Variants in ZRANB3 observed in about 807,000 individuals in gnomAD.
ZRANB3 encodes DNA annealing helicase and endonuclease ZRANB3.
Under a neutral mutation model 133.8 loss-of-function variants are expected in ZRANB3, and 125 were observed. The observed-to-expected ratio is 0.93, with a 90% CI of 0.81 to 1.08. ZRANB3 has a LOEUF of 1.08. Among genes scored for constraint, ZRANB3 ranks in the 50% least tolerant of loss-of-function variants. ZRANB3 has a pLI of 0.00. For missense variants in ZRANB3, 1,229 were observed against 1,275.5 expected, an observed-to-expected ratio of 0.96 and a Z score of 0.56; for synonymous variants, 387 against 432.7, an observed-to-expected ratio of 0.89 and a Z score of 1.31.
chr2:135,327,226 A>G (rs1683879547), intron 6 of ZRANB3, among the ~76,000 whole-genome samples: 1 of 152,220 alleles, frequency 6.6e-6, no homozygotes, highest in Admixed American at 6.5e-5. Flanking sequence ...AACAGAGCAG[A>G]ATGGCCCAAG....
chr2:135,462,210 G>T (rs1300340030), intron 2 of ZRANB3, among the ~76,000 whole-genome samples: 1 of 152,080 alleles, frequency 6.6e-6, no homozygotes, highest in East Asian at 1.9e-4. Flanking sequence ...GGCACTGATG[G>T]ACACTTTCCA....
rs527589214 is a variant in ZRANB3, at chr2:135,249,431, T to C, written c.1539+16103A>G. Among the ~76,000 whole-genome samples the C allele has an allele frequency of 5.9e-5, 9 of 152,362 alleles. No individual in the cohort carries two copies. In the South Asian group the frequency reaches 1.9e-3, roughly 32 times the overall value. On this transcript the variant is annotated intron_variant, in intron 12 of 20. Transcript: ENST00000264159. ...CATTTAGCCATAAAAAAGAATGATA[T>C]AACGTCTTTTGTGGGAACATGGATG...
At chr2:135,382,991 T>C (rs1160331277) in intron 3 of ZRANB3, among the ~76,000 whole-genome samples, 1 of 152,116 alleles carries the variant, frequency 6.6e-6, no homozygotes, top group African/African-American at 2.4e-5. Context: ...CACATAACAA[T>C]ATTAACTTTA....
In ZRANB3 at chr2:135,390,425, T is replaced by C. The variant is rs116287969; in HGVS notation, c.180+377A>G. 1.6e-3 allele frequency among the ~76,000 whole-genome samples: 249 copies of C among 152,270 alleles called. 2 individuals are homozygous for C. Among genetic ancestry groups the C allele is most frequent in the African/African-American group, 5.7e-3 (238 of 41,544 alleles). On this transcript the variant is annotated intron_variant, in intron 3 of 20. Transcript: ENST00000264159. The stretch of plus-strand genomic sequence containing the variant: ...ACCATTTCAGAACTATGTTTCAAAC[T>C]CATAGGAAACAATAAACAATAACCT...
At chr2:135,380,598 A>G (rs1173974021) in intron 3 of ZRANB3, among the ~76,000 whole-genome samples, 1 of 152,180 alleles carries the variant, frequency 6.6e-6, no homozygotes, top group East Asian at 1.9e-4. Context: ...AGAAATAAAG[A>G]TGTTATTTGA....
At chr2:135,267,870 G>T (rs1680321085) in intron 11 of ZRANB3, among the ~76,000 whole-genome samples, 1 of 152,032 alleles carries the variant, frequency 6.6e-6, no homozygotes, top group Non-Finnish European at 1.5e-5. Flanking sequence ...CGGAGGTGGG[G>T]CTTTTGGGAG....
chr2:135,473,095 C>T (rs1002252987), intron 2 of ZRANB3, among the ~76,000 whole-genome samples: 1 of 152,166 alleles, frequency 6.6e-6, no homozygotes, highest in African/African-American at 2.4e-5. Flanking sequence ...CACAACTATC[C>T]ATCTCCTGAA....
At chr2:135,322,587 G>T (rs369626473) in intron 6 of ZRANB3, among the ~76,000 whole-genome samples, 1 of 152,008 alleles carries the variant, frequency 6.6e-6, no homozygotes, top group Non-Finnish European at 1.5e-5. Context: ...GTGTGGTGTT[G>T]TGCTCCTGTA....
At chr2:135,380,319 G>C (rs544401083) in intron 3 of ZRANB3, among the ~76,000 whole-genome samples, 1 of 152,164 alleles carries the variant, frequency 6.6e-6, no homozygotes, top group African/African-American at 2.4e-5. Context: ...GGACCTAATA[G>C]ACATCTACAG....
chr2:135,475,172 AAC>A (rs71984503), intron 2 of ZRANB3, among the ~76,000 whole-genome samples: 4,350 of 152,316 alleles, frequency 0.029, 189 homozygotes, highest in African/African-American at 0.097. Context: ...TTAGAAATGT[AAC>A]ACATTCTTCT....
At chr2:135,424,777 T>C (rs1221739214) in intron 2 of ZRANB3, among the ~76,000 whole-genome samples, 1 of 152,072 alleles carries the variant, frequency 6.6e-6, no homozygotes. Context: ...GAAAGGAAAT[T>C]AGTTTCTATA....
At chr2:135,312,473 C>T (rs1232018828) in intron 8 of ZRANB3, among the ~76,000 whole-genome samples, 3 of 152,150 alleles carry the variant, frequency 2.0e-5, no homozygotes, top group South Asian at 2.1e-4. Flanking sequence ...GGGTGACACT[C>T]GTCAGTATTT....
intron 5 of ZRANB3, among the ~76,000 whole-genome samples, chr2:135,348,941 T>C (rs1685069956): frequency 2.0e-5 from 3 of 152,140 alleles, no homozygotes; most frequent in Admixed American, 6.5e-5. Context: ...ATACGTTTCA[T>C]GATTTTTTTT....
intron 14 of ZRANB3, among the ~76,000 whole-genome samples, chr2:135,225,242 T>C (rs116635874): frequency 0.018 from 2,782 of 152,298 alleles, 86 homozygotes; most frequent in African/African-American, 0.063. Context: ...ATATGGCTAG[T>C]AAGAGGATGT....
At chr2:135,394,905 G>A (rs1427056873) in intron 2 of ZRANB3, among the ~76,000 whole-genome samples, 2 of 141,562 alleles carry the variant, frequency 1.4e-5, no homozygotes, top group Non-Finnish European at 3.0e-5. Flanking sequence ...TTGCTTGAAC[G>A]CAGGACTTTG....
chr2:135,392,551 A>G (rs1225866212), intron 2 of ZRANB3, among the ~76,000 whole-genome samples: 1 of 152,064 alleles, frequency 6.6e-6, no homozygotes, highest in Non-Finnish European at 1.5e-5. Context: ...GGAGTACGAG[A>G]CCAGCCTGGC....
At chr2:135,340,772 C>T (rs1684613392) in intron 6 of ZRANB3, among the ~76,000 whole-genome samples, 1 of 150,994 alleles carries the variant, frequency 6.6e-6, no homozygotes, top group South Asian at 2.1e-4. Context: ...AGGAGAATTG[C>T]TTGAACCTAG....
At chr2:135,390,363 C>T (rs1308333791) in intron 3 of ZRANB3, among the ~76,000 whole-genome samples, 2 of 152,106 alleles carry the variant, frequency 1.3e-5, no homozygotes, top group Non-Finnish European at 2.9e-5. Context: ...AAGCACATGC[C>T]ATTTAAATCT....
intron 2 of ZRANB3, among the ~76,000 whole-genome samples, chr2:135,493,141 A>G (rs1692479949): frequency 1.6e-5 from 1 of 60,972 alleles, no homozygotes; most frequent in Non-Finnish European, 2.9e-5. Context: ...ATATATATAT[A>G]TATATATATA....
Sources: gnomAD v4.1 joint callset for allele counts (sites outside exome capture counted in the v4.1 genomes callset) on GRCh38, gnomAD v4.1.1 for gene constraint, MANE v1.5 for transcripts, NCBI Gene and HGNC (gene_info 2026-07-23, HGNC 2026-07-21) for gene names.